ZCCHC14: variants seen among roughly 807,000 people sequenced by gnomAD.
The protein encoded by ZCCHC14 is zinc finger CCHC domain-containing protein 14.
ZCCHC14 carries 16 observed loss-of-function variants against 85.0 expected under a neutral mutation model. That is an observed-to-expected ratio of 0.19 (90% CI 0.13 to 0.29). The LOEUF is 0.29. ZCCHC14 is among the 10% of genes least tolerant of loss of function. ZCCHC14 has a pLI of 1.00. For missense variants in ZCCHC14, 1,303 were observed against 1,443.5 expected (o/e 0.90, Z 1.58); for synonymous variants, 775 against 630.7 (o/e 1.23, Z -3.43).
At chr16:87,438,138 C>T (rs910713116) in intron 2 of ZCCHC14, among the ~76,000 whole-genome samples, 3 of 152,258 alleles carry the variant, frequency 2.0e-5, no homozygotes, top group Non-Finnish European at 2.9e-5. Context: ...AACTCCAAAA[C>T]AGCAACCGGG....
chr16:87,450,745 G>T (rs372049188), intron 2 of ZCCHC14, among the ~76,000 whole-genome samples: 2 of 151,602 alleles, frequency 1.3e-5, no homozygotes, highest in African/African-American at 4.8e-5. Flanking sequence ...TTGTAGAGAC[G>T]GATTTTCACC....
chr16:87,416,754 T>A lies in ZCCHC14; in HGVS notation c.1383+706A>T, dbSNP rs528025053. 1.6e-3 allele frequency among the ~76,000 whole-genome samples: 245 copies of A among 151,922 alleles called. 2 individuals are homozygous for A. Among genetic ancestry groups the A allele is most frequent in the Middle Eastern group, 6.8e-3 (2 of 294 alleles). ...CCAGGTGGCAGTGCAAGACTCTCCA[T>A]CTCAAAAAAAGAAAAAAACATTCAC... On this transcript the variant is annotated intron_variant, in intron 8 of 12. Coordinates refer to ENST00000671377, the MANE Select transcript of ZCCHC14 (RefSeq NM_015144.3).
intron 1 of ZCCHC14, among the ~76,000 whole-genome samples, chr16:87,464,461 A>G (rs1911425895): frequency 6.6e-6 from 1 of 152,210 alleles, no homozygotes; most frequent in East Asian, 1.9e-4. Flanking sequence ...GGCAAGGACA[A>G]AGAGGAGACC....
chr16:87,407,804 C>T lies in ZCCHC14; in HGVS notation c.*2476G>A, dbSNP rs1597394116. The T allele has an allele frequency of 6.6e-6, 1 of 152,648 alleles. No individual in the cohort carries two copies. The highest frequency in any genetic ancestry group is 2.1e-4 in the South Asian group (1 of 4,824). The allele number at this position is 152,648 out of a possible 1,614,324, so 9.5% of individuals were successfully genotyped here. A position where few individuals can be genotyped will look rare whatever the true frequency, so the allele number is the denominator to read the frequency against. ...GACCGCAAAACGCTCTTCAGACGCG[C>T]CGACCTTGGTGGCTTTTGGAGAGAT... On this transcript the variant is annotated 3_prime_UTR_variant, in exon 13 of 13. Transcript: ENST00000671377.
At chr16:87,461,321 A>T (rs1911247204) in intron 1 of ZCCHC14, among the ~76,000 whole-genome samples, 1 of 152,252 alleles carries the variant, frequency 6.6e-6, no homozygotes, top group Non-Finnish European at 1.5e-5. Context: ...TCAGTATTTT[A>T]AAATTTCACA....
intron 2 of ZCCHC14, among the ~76,000 whole-genome samples, chr16:87,440,310 G>A (rs921295564): frequency 2.0e-5 from 3 of 151,110 alleles, no homozygotes; most frequent in Non-Finnish European, 3.0e-5. Flanking sequence ...GATTACAGGC[G>A]CACACCACCA....
chr16:87,466,747 G>T (rs528637301), intron 1 of ZCCHC14, among the ~76,000 whole-genome samples: 1 of 152,138 alleles, frequency 6.6e-6, no homozygotes, highest in Non-Finnish European at 1.5e-5. Context: ...GGTACTGTTC[G>T]TATGACTGTG....
intron 3 of ZCCHC14, among the ~76,000 whole-genome samples, chr16:87,430,665 G>A (rs1442099666): frequency 6.6e-6 from 1 of 152,016 alleles, no homozygotes; most frequent in East Asian, 1.9e-4. Flanking sequence ...GGGACTACGG[G>A]TGCCCGCCAC....
chr16:87,438,144 C>G (rs1423616480), intron 2 of ZCCHC14, among the ~76,000 whole-genome samples: 1 of 152,258 alleles, frequency 6.6e-6, no homozygotes, highest in Non-Finnish European at 1.5e-5. Context: ...AAAACAGCAA[C>G]CGGGCACGCG....
At chr16:87,451,763 C>T (rs76226439) in intron 2 of ZCCHC14, among the ~76,000 whole-genome samples, 2,467 of 152,286 alleles carry the variant, frequency 0.016, 25 homozygotes, top group Middle Eastern at 0.048. Context: ...GGAAGGGGAG[C>T]GTCAGGAGCT....
intron 12 of ZCCHC14, 92 bp downstream of exon 12, chr16:87,411,424 C>T (rs1484112787): frequency 3.8e-5 from 59 of 1,544,434 alleles, no homozygotes; most frequent in Non-Finnish European, 4.4e-5. Flanking sequence ...ATTTGCTTTA[C>T]AAAGAAAGAA....
intron 1 of ZCCHC14, among the ~76,000 whole-genome samples, chr16:87,475,417 G>A (rs1911959395): frequency 1.3e-5 from 2 of 152,170 alleles, no homozygotes; most frequent in Admixed American, 1.3e-4. Context: ...CCTGAGTGTG[G>A]TGGTGGGCGC....
chr16:87,456,476 T>C lies in ZCCHC14; in HGVS notation c.694+3532A>G, dbSNP rs1255744679. On this transcript the variant is annotated intron_variant, in intron 2 of 12. Coordinates refer to ENST00000671377, the MANE Select transcript of ZCCHC14 (RefSeq NM_015144.3). ...TGAACCCGGGAGGCGGAGGTTGCAG[T>C]GAGCTGTGATTGCGCCACTGCACTC... 4.5e-5 allele frequency among the ~76,000 whole-genome samples: 6 copies of C among 134,256 alleles called. No individual in the cohort carries two copies. In the East Asian group the frequency reaches 1.3e-3, roughly 29 times the overall value. The allele number at this position is 134,256 out of a possible 152,430, so 88.1% of individuals were successfully genotyped here. A position where few individuals can be genotyped will look rare whatever the true frequency, so the allele number is the denominator to read the frequency against.
At chr16:87,483,379 T>A (rs184201172) in intron 1 of ZCCHC14, among the ~76,000 whole-genome samples, 404 of 134,862 alleles carry the variant, frequency 3.0e-3, no homozygotes, top group African/African-American at 0.01. Context: ...TAATCCCAGC[T>A]ACTTGGGTGG....
In ZCCHC14 at chr16:87,417,803, C is replaced by T. The variant is rs1014136064; in HGVS notation, c.1101-61G>A. ...GTGGCTTCCACAACCACAGACTCCA[C>T]CACAGACCTCACTTCCAGGCCTTTC... On this transcript the variant is annotated intron_variant, in intron 7 of 12. Transcript: ENST00000671377. The T allele has an allele frequency of 7.4e-6, 11 of 1,482,722 alleles. No individual in the cohort carries two copies. In the African/African-American group the frequency reaches 1.5e-4, roughly 21 times the overall value. The allele number at this position is 1,482,722 out of a possible 1,614,324, so 91.8% of individuals were successfully genotyped here.
chr16:87,412,066 G>T lies in ZCCHC14; in HGVS notation c.2655C>A (p.Gly885=), dbSNP rs139009476. The T allele has an allele frequency of 1.7e-3, 2,758 of 1,611,186 alleles. 5 individuals are homozygous for T. The highest frequency in any genetic ancestry group is 2.5e-3 in the Admixed American group (150 of 60,012). The change falls in exon 12 of 13, where the codon GGC becomes GGA. Residue 885 remains glycine (G), a synonymous_variant. Coordinates refer to ENST00000671377, the MANE Select transcript of ZCCHC14 (RefSeq NM_015144.3). ...GAATGTTTCCTGTGGAGCCGCCACC[G>T]CCACTGCTGCTATAGAAACTGCTTT... ...VPESSFYSSS[G]GGGSTGNIPA...
At chr16:87,413,682 G>C (rs1188605856) in intron 10 of ZCCHC14, among the ~76,000 whole-genome samples, 1 of 152,108 alleles carries the variant, frequency 6.6e-6, no homozygotes, top group African/African-American at 2.4e-5. Context: ...CGCCCTTTCT[G>C]AGAGGGGAGG....
intron 1 of ZCCHC14, among the ~76,000 whole-genome samples, chr16:87,487,086 A>C (rs561732584): frequency 6.6e-6 from 1 of 152,350 alleles, no homozygotes; most frequent in East Asian, 1.9e-4. Flanking sequence ...AAAGCAACGA[A>C]GCAAAAGCTG....
At chr16:87,411,240 C>G (rs1347394666) in intron 12 of ZCCHC14, among the ~76,000 whole-genome samples, 1 of 152,162 alleles carries the variant, frequency 6.6e-6, no homozygotes, top group Admixed American at 6.5e-5. Context: ...TCTCTGGGCT[C>G]GAATCAGGAC....
Sources: allele counts gnomAD v4.1 joint callset (sites outside exome capture counted in the v4.1 genomes callset), GRCh38; gene constraint gnomAD v4.1.1; transcripts MANE v1.5; gene names NCBI Gene and HGNC (gene_info 2026-07-23, HGNC 2026-07-21).